The following PAH variants were observed in gnomAD, a reference collection of about 807,000 sequenced individuals.
PAH encodes phenylalanine hydroxylase.
PAH carries 64 observed loss-of-function variants against 62.0 expected under a neutral mutation model. The observed-to-expected ratio is 1.03, with a 90% CI of 0.84 to 1.27. The LOEUF is 1.27. PAH is among the 50% of genes most tolerant of loss of function. The pLI, the probability that PAH is intolerant of heterozygous loss-of-function variation, is 0.00. For missense variants in PAH, 579 were observed against 542.8 expected, an observed-to-expected ratio of 1.07 and a Z score of -0.66; for synonymous variants, 195 against 196.2, an observed-to-expected ratio of 0.99 and a Z score of 0.05.
intron 3 of PAH, 148 bp downstream of exon 3, chr12:102,894,587 A>T (rs1877416206): frequency 1.5e-6 from 1 of 654,430 alleles, no homozygotes; most frequent in Non-Finnish European, 2.6e-6. Flanking sequence ...TATTTCCAAT[A>T]CATATATATT....
chr12:102,910,616 A>C (rs923410406), intron 2 of PAH, among the ~76,000 whole-genome samples: 2 of 152,038 alleles, frequency 1.3e-5, no homozygotes, highest in African/African-American at 4.8e-5. Context: ...GTGATCCGTC[A>C]GCCTCAGCCT....
At chr12:102,858,344 C>A (rs981439547) in intron 5 of PAH, among the ~76,000 whole-genome samples, 5 of 152,208 alleles carry the variant, frequency 3.3e-5, no homozygotes, top group African/African-American at 1.2e-4. Flanking sequence ...TAGAGACCTA[C>A]AAAGAGACTT....
At chr12:102,913,830 G>T in intron 1 of PAH, 5 of 702,048 alleles carry the variant, frequency 7.1e-6, no homozygotes, top group Non-Finnish European at 1.3e-5. Flanking sequence ...AACCAAGGTT[G>T]GGGTTAGGGC....
intron 3 of PAH, among the ~76,000 whole-genome samples, chr12:102,891,015 C>T (rs928922723): frequency 6.6e-6 from 1 of 152,092 alleles, no homozygotes; most frequent in African/African-American, 2.4e-5. Flanking sequence ...ACCCGAGAGG[C>T]GGAGGTTGCA....
intron 11 of PAH, 149 bp downstream of exon 11, chr12:102,843,497 A>G: frequency 1.2e-6 from 1 of 811,886 alleles, no homozygotes; most frequent in Non-Finnish European, 2.1e-6. Context: ...ACGGAAGAAA[A>G]GGAGGGTGGA....
At chr12:102,840,197 G>T (rs947401829) in intron 12 of PAH, among the ~76,000 whole-genome samples, 1 of 152,096 alleles carries the variant, frequency 6.6e-6, no homozygotes, top group African/African-American at 2.4e-5. Context: ...ATCTAGGAAG[G>T]TCAAAGGAAA....
chr12:102,876,621 T>A (rs150956752), intron 4 of PAH, among the ~76,000 whole-genome samples: 1 of 152,158 alleles, frequency 6.6e-6, no homozygotes, highest in Non-Finnish European at 1.5e-5. Flanking sequence ...GATGAAGGAG[T>A]CATTTGCCTG....
At chr12:102,875,072 G>C (rs907004330) in intron 4 of PAH, among the ~76,000 whole-genome samples, 1 of 152,228 alleles carries the variant, frequency 6.6e-6, no homozygotes, top group Non-Finnish European at 1.5e-5. Context: ...GGGAAAGCAC[G>C]CTGGAGGGTT....
Position 102,875,375 on chromosome 12 carries a change from C to T in PAH, c.441+2087G>A, listed in dbSNP as rs993590491. ...TGTCCCAAATGAAAAGGGAGTGAAA[C>T]GAATGGGAAGAATGCCGGTTTGGGG... On this transcript the variant is annotated intron_variant, in intron 4 of 12. Transcript: ENST00000553106. 5.3e-5 allele frequency among the ~76,000 whole-genome samples: 8 copies of T among 152,214 alleles called. No individual in the cohort carries two copies. In the South Asian group the frequency reaches 6.2e-4, roughly 12 times the overall value.
intron 8 of PAH, among the ~76,000 whole-genome samples, chr12:102,848,441 CA>C (rs1874977454): frequency 7.1e-6 from 1 of 140,542 alleles, no homozygotes. Flanking sequence ...TGAGGATAGA[CA>C]GGACACCAGG....
intron 2 of PAH, among the ~76,000 whole-genome samples, chr12:102,904,306 C>T (rs928928053): frequency 6.6e-6 from 1 of 152,180 alleles, no homozygotes; most frequent in Admixed American, 6.5e-5. Flanking sequence ...CCCTCAGGAC[C>T]CCAAACCTAG....
chr12:102,856,313 G>C (rs1387588810), intron 5 of PAH, among the ~76,000 whole-genome samples: 1 of 152,106 alleles, frequency 6.6e-6, no homozygotes, highest in Non-Finnish European at 1.5e-5. Context: ...TAGTTTAAAA[G>C]TCGTTAGTTT....
chr12:102,931,555 T>G (rs1387144373), intron 1 of PAH, among the ~76,000 whole-genome samples: 1 of 152,152 alleles, frequency 6.6e-6, no homozygotes, highest in Non-Finnish European at 1.5e-5. Flanking sequence ...TCCTCACTAC[T>G]TGATCTAAGG....
In PAH at chr12:102,881,842, G is replaced by C. The variant is rs553601195; in HGVS notation, c.353-4292C>G. Among the ~76,000 whole-genome samples, 14 of 152,136 alleles carry C rather than the reference G, an allele frequency of 9.2e-5. No homozygotes were observed. The South Asian group carries it at 2.7e-3, about 29-fold the overall frequency. On this transcript the variant is annotated intron_variant, in intron 3 of 12. Coordinates refer to ENST00000553106, the MANE Select transcript of PAH (RefSeq NM_000277.3). ...ATTGTGTGTGTGTCAGGAGGGTATCGCATTTTCTTCATTCATCCACCTGTT... is the reference window on the plus strand; with the variant it reads ...ATTGTGTGTGTGTCAGGAGGGTATCCCATTTTCTTCATTCATCCACCTGTT...
rs994511418 is a variant in PAH at position 102,957,576 on chromosome 12, C to T, written c.-96+619G>A. On this transcript the variant is annotated intron_variant, in intron 1 of 4. Transcript: ENST00000551337. The surrounding 1 kb of genome is among the most constrained non-coding windows in gnomAD (Gnocchi z 4.1). ...GAGGGGGGGGAGTGGGGGCTGCAGC[C>T]GCTCGCTGCAGCAGCGGGGAGTGGG... 2 of 133,858 alleles carry T rather than the reference C, an allele frequency of 1.5e-5. No individual in the cohort carries two copies. The highest frequency in any genetic ancestry group is 5.7e-5 in the African/African-American group (2 of 35,182). The allele number at this position is 133,858 out of a possible 1,614,324, so 8.3% of individuals were successfully genotyped here.
upstream of PAH, among the ~76,000 whole-genome samples, chr12:102,922,055 C>G (rs34992342): frequency 2.0e-4 from 30 of 152,222 alleles, no homozygotes; most frequent in African/African-American, 7.2e-4. Context: ...GCACCTGATT[C>G]TCTTCTCCAA....
At chr12:102,859,994 G>T (rs1420257657) in intron 5 of PAH, among the ~76,000 whole-genome samples, 1 of 152,116 alleles carries the variant, frequency 6.6e-6, no homozygotes, top group African/African-American at 2.4e-5. Flanking sequence ...TCGGGCAGCA[G>T]AAAGAAATAA....
chr12:102,891,007 C>T (rs1877254851), intron 3 of PAH, among the ~76,000 whole-genome samples: 2 of 152,114 alleles, frequency 1.3e-5, no homozygotes, highest in South Asian at 2.1e-4. Context: ...TGGCTTGAAC[C>T]CGAGAGGCGG....
intron 1 of PAH, chr12:102,950,396 G>C (rs754944327): frequency 4.6e-5 from 7 of 152,328 alleles, no homozygotes; most frequent in Non-Finnish European, 1.0e-4. Context: ...TCTGTTAGGA[G>C]TACACTTTCC....
Sources: allele counts gnomAD v4.1 joint callset (sites outside exome capture counted in the v4.1 genomes callset), GRCh38; gene constraint gnomAD v4.1.1; non-coding constraint Gnocchi (gnomAD v3.1); transcripts MANE v1.5; gene names NCBI Gene and HGNC (gene_info 2026-07-23, HGNC 2026-07-21).